PTPRE: variants seen among roughly 807,000 people sequenced by gnomAD.
The protein encoded by PTPRE is receptor-type tyrosine-protein phosphatase epsilon.
In PTPRE, 51 loss-of-function variants were observed where a neutral mutation model predicts 102.0. The ratio of observed to expected loss-of-function variants is 0.50; its 90% confidence interval spans 0.40 to 0.63. The LOEUF (loss-of-function observed/expected upper bound fraction) is 0.63, where lower values mean the gene tolerates loss of function less well. Among genes scored for constraint, PTPRE ranks in the 30% least tolerant of loss-of-function variants. The probability of loss-of-function intolerance (pLI) is 0.00; values close to 1 mark genes in which losing one functional copy is unlikely to be tolerated. For synonymous variants in PTPRE, 345 were observed against 348.2 expected, an observed-to-expected ratio of 0.99 and a Z score of 0.10; for missense variants, 752 against 915.1, an observed-to-expected ratio of 0.82 and a Z score of 2.30.
intron 7 of PTPRE, among the ~76,000 whole-genome samples, chr10:128,058,361 C>T (rs1460219862): frequency 6.6e-6 from 1 of 152,360 alleles, no homozygotes; most frequent in East Asian, 1.9e-4. Flanking sequence ...GTTGGCATTT[C>T]CTCCAAGCCT....
intron 6 of PTPRE, among the ~76,000 whole-genome samples, chr10:128,050,084 T>C (rs1848431812): frequency 6.6e-6 from 1 of 151,506 alleles, no homozygotes; most frequent in African/African-American, 2.4e-5. Context: ...GAGTAGGCGA[T>C]GTTCCTCTTC....
Position 128,047,380 on chromosome 10 carries a change from TCTC to T in PTPRE, c.110-7_110-5del. On this transcript the variant is annotated splice_region_variant and splice_polypyrimidine_tract_variant and intron_variant, in intron 3 of 20. Transcript: ENST00000254667. The stretch of plus-strand genomic sequence containing the variant: ...GGTCAGGGGTTAGGGTCTTTCTGCT[TCTC>T]CTGCAGGCCCTCCGGACCCGGGCGC... 1 of 1,612,042 alleles carries T rather than the reference TCTC, an allele frequency of 6.2e-7. No homozygotes were observed. Among genetic ancestry groups the T allele is most frequent in the Non-Finnish European group, 8.5e-7 (1 of 1,179,540 alleles).
intron 19 of PTPRE, 117 bp downstream of exon 19, chr10:128,077,900 G>C: frequency 8.3e-7 from 1 of 1,200,158 alleles, no homozygotes; most frequent in Non-Finnish European, 1.1e-6. Flanking sequence ...ATTCCCTAGA[G>C]TCTCCTCTCT....
At chr10:128,047,550 T>C (rs533963432) in intron 4 of PTPRE, 61 bp downstream of exon 4, 4 of 1,610,394 alleles carry the variant, frequency 2.5e-6, no homozygotes, top group Non-Finnish European at 3.4e-6. Flanking sequence ...ATGAGCCTTC[T>C]GATGCTGTGG....
intron 1 of PTPRE, among the ~76,000 whole-genome samples, chr10:127,975,146 G>A (rs757245538): frequency 2.0e-5 from 3 of 152,148 alleles, no homozygotes; most frequent in Admixed American, 6.5e-5. Flanking sequence ...TGTGGGACAG[G>A]GAGCAGCATG....
chr10:128,060,073 C>A (rs1849410983), intron 7 of PTPRE, among the ~76,000 whole-genome samples: 1 of 83,744 alleles, frequency 1.2e-5, no homozygotes, highest in African/African-American at 5.8e-5. Flanking sequence ...CACACACATA[C>A]CACACACTAC....
At chr10:128,004,637 T>C (rs2135573256) in intron 2 of PTPRE, among the ~76,000 whole-genome samples, 1 of 152,392 alleles carries the variant, frequency 6.6e-6, no homozygotes, top group East Asian at 1.9e-4. Context: ...TTTTGTTTAC[T>C]CATTCATCAG....
chr10:127,961,401 C>A (rs1436135964), intron 1 of PTPRE, among the ~76,000 whole-genome samples: 1 of 151,694 alleles, frequency 6.6e-6, no homozygotes, highest in Non-Finnish European at 1.5e-5. Context: ...TCTTTAGAAG[C>A]TTCTCTCTGG....
chr10:128,007,082 T>C (rs933340189), intron 2 of PTPRE, among the ~76,000 whole-genome samples: 1 of 152,214 alleles, frequency 6.6e-6, no homozygotes, highest in African/African-American at 2.4e-5. Flanking sequence ...GACATATATT[T>C]ATTTTGAGGT....
intron 2 of PTPRE, among the ~76,000 whole-genome samples, chr10:128,001,200 G>A (rs1251443800): frequency 6.6e-6 from 1 of 151,842 alleles, no homozygotes. Context: ...AGATCTGAGT[G>A]TGTGTGTGTG....
intron 1 of PTPRE, among the ~76,000 whole-genome samples, chr10:127,920,967 C>A (rs1366726601): frequency 5.3e-5 from 8 of 152,200 alleles, no homozygotes; most frequent in African/African-American, 1.9e-4. Flanking sequence ...TTGGCTCTGA[C>A]GAGCCAGGCT....
At chr10:128,072,345 A>G in intron 16 of PTPRE, 131 bp downstream of exon 16, 1 of 856,734 alleles carries the variant, frequency 1.2e-6, no homozygotes, top group Non-Finnish European at 1.8e-6. Flanking sequence ...TTTTGTTAGC[A>G]GAATTACTTG....
chr10:127,994,351 C>T (rs762578681), intron 2 of PTPRE, among the ~76,000 whole-genome samples: 11 of 152,198 alleles, frequency 7.2e-5, no homozygotes, highest in Non-Finnish European at 1.2e-4. Context: ...TATCCAACTT[C>T]CAGCCCCAAG....
At chr10:127,943,305 C>T (rs979055938) in intron 1 of PTPRE, among the ~76,000 whole-genome samples, 1 of 152,110 alleles carries the variant, frequency 6.6e-6, no homozygotes, top group African/African-American at 2.4e-5. Flanking sequence ...ATAAGGAACC[C>T]CCAAACTTGC....
intron 11 of PTPRE, among the ~76,000 whole-genome samples, chr10:128,067,356 G>A (rs1015619015): frequency 7.3e-5 from 8 of 109,408 alleles, no homozygotes; most frequent in East Asian, 7.3e-4. Flanking sequence ...ATTCACACAC[G>A]CACACGTGCA....
intron 2 of PTPRE, among the ~76,000 whole-genome samples, chr10:127,987,843 G>A (rs994855553): frequency 1.3e-5 from 2 of 152,224 alleles, no homozygotes; most frequent in South Asian, 4.1e-4. Flanking sequence ...ATTTGAAGTG[G>A]CATTTTAATT....
intron 9 of PTPRE, among the ~76,000 whole-genome samples, chr10:128,062,044 G>T (rs933038918): frequency 6.6e-6 from 1 of 152,188 alleles, no homozygotes; most frequent in African/African-American, 2.4e-5. Flanking sequence ...GGGTTAGTGG[G>T]GTGAATAGCT....
In PTPRE at chr10:128,035,617, G is replaced by A. The variant is rs192973119; in HGVS notation, c.-7-5258G>A. ...CTGTTTCTTAGTTGAAAGCCAAACAGCTGCAGGTTTTGACCAGGTAGGTGA... is the reference window on the plus strand; with the variant it reads ...CTGTTTCTTAGTTGAAAGCCAAACAACTGCAGGTTTTGACCAGGTAGGTGA... On this transcript the variant is annotated intron_variant, in intron 2 of 20. Transcript: ENST00000254667. Among the ~76,000 whole-genome samples, 9 of 152,314 alleles carry A rather than the reference G, an allele frequency of 5.9e-5. No individual in the cohort carries two copies. In the East Asian group the frequency reaches 1.5e-3, roughly 26 times the overall value.
At chr10:127,987,749 C>G (rs536538878) in intron 2 of PTPRE, among the ~76,000 whole-genome samples, 1 of 152,182 alleles carries the variant, frequency 6.6e-6, no homozygotes, top group South Asian at 2.1e-4. Flanking sequence ...GGACATAGGC[C>G]GGCTCGATGA....
Sources: allele counts gnomAD v4.1 joint callset (sites outside exome capture counted in the v4.1 genomes callset), GRCh38; gene constraint gnomAD v4.1.1; transcripts MANE v1.5; gene names NCBI Gene and HGNC (gene_info 2026-07-23, HGNC 2026-07-21).